Variants in FRAS1 observed in about 807,000 individuals in gnomAD.
FRAS1 encodes Fraser extracellular matrix complex subunit 1.
A neutral mutation model predicts 435.2 loss-of-function variants in FRAS1; 290 were observed. The observed-to-expected ratio is 0.67, with a 90% confidence interval of 0.61 to 0.73. FRAS1 has a LOEUF of 0.73. Among genes scored for constraint, FRAS1 ranks in the 30% least tolerant of loss-of-function variants. The pLI, the probability that FRAS1 is intolerant of heterozygous loss-of-function variation, is 0.00. For synonymous variants in FRAS1, 1,800 were observed against 1,851.0 expected, an observed-to-expected ratio of 0.97 and a Z score of 0.71; for missense variants, 4,860 against 5,001.5, an observed-to-expected ratio of 0.97 and a Z score of 0.85.
intron 52 of FRAS1, 45 bp from the exon 53 acceptor site, chr4:78,473,393 C>A (rs776333146): frequency 1.3e-6 from 2 of 1,539,728 alleles, no homozygotes; most frequent in Non-Finnish European, 8.9e-7. Context: ...ATGAAGCTGT[C>A]GTTACATCCC....
chr4:78,319,057 C>G, intron 18 of FRAS1, 71 bp downstream of exon 18: 2 of 1,449,860 alleles, frequency 1.4e-6, no homozygotes, highest in Non-Finnish European at 1.9e-6. Context: ...GAGGTGGGAC[C>G]AAAGCCAGGA....
intron 67 of FRAS1, among the ~76,000 whole-genome samples, chr4:78,519,709 T>C (rs1721329622): frequency 6.6e-6 from 1 of 152,192 alleles, no homozygotes; most frequent in Non-Finnish European, 1.5e-5. Flanking sequence ...GCGTAGAGGA[T>C]GGCAAGTGAC....
intron 2 of FRAS1, among the ~76,000 whole-genome samples, chr4:78,215,183 T>TTTATTATTATTATTATTA (rs147112471): frequency 2.0e-5 from 3 of 148,900 alleles, no homozygotes; most frequent in African/African-American, 7.4e-5. Flanking sequence ...ATTTACCATC[T>TTTATTATTATTATTATTA]TTATTATTAT....
chr4:78,241,235 G>A (rs1457912479), intron 3 of FRAS1, among the ~76,000 whole-genome samples: 1 of 152,148 alleles, frequency 6.6e-6, no homozygotes, highest in East Asian at 1.9e-4. Context: ...CAAGCCCTTC[G>A]GTGTGCTTCC....
chr4:78,066,306 A>C (rs1740036713), intron 2 of FRAS1, among the ~76,000 whole-genome samples: 1 of 152,154 alleles, frequency 6.6e-6, no homozygotes. Flanking sequence ...AGAAAATTAG[A>C]TCCCATCCTT....
chr4:78,438,123 T>C (rs1444563520), intron 38 of FRAS1, among the ~76,000 whole-genome samples: 1 of 152,200 alleles, frequency 6.6e-6, no homozygotes, highest in Non-Finnish European at 1.5e-5. Flanking sequence ...TCGTATTATA[T>C]GTTATAAAGA....
chr4:78,232,701 T>A (rs1460812230), intron 2 of FRAS1, among the ~76,000 whole-genome samples: 1 of 152,230 alleles, frequency 6.6e-6, no homozygotes, highest in Non-Finnish European at 1.5e-5. Flanking sequence ...TGTAGTGACA[T>A]CATTTAAACA....
intron 15 of FRAS1, among the ~76,000 whole-genome samples, chr4:78,310,864 A>G (rs1181106681): frequency 1.3e-5 from 2 of 152,240 alleles, no homozygotes; most frequent in African/African-American, 4.8e-5. Context: ...TTAACAATTT[A>G]TAACCTACCA....
At chr4:78,534,698 C>A in intron 71 of FRAS1, 83 bp downstream of exon 71, 1 of 1,313,628 alleles carries the variant, frequency 7.6e-7, no homozygotes, top group Non-Finnish European at 1.1e-6. Context: ...GGCATCTCTG[C>A]TCATATGCTC....
chr4:78,065,842 G>T (rs1740005734), intron 1 of FRAS1, 143 bp from the exon 2 acceptor site: 2 of 680,264 alleles, frequency 2.9e-6, no homozygotes, highest in South Asian at 3.5e-5. Context: ...GGGGAAGAAT[G>T]CTGAAGCTTT....
Position 78,057,935 on chromosome 4 carries a change from G to T in FRAS1, c.-75G>T. ...TCAGTGCGCCCGGGTTCCAAGCGCC[G>T]GAGCCAGCGTTTTGGCGGAGCCGCT... On this transcript the variant is annotated 5_prime_UTR_variant, in exon 1 of 74. Transcript: ENST00000512123. This position sits in a 1 kb window ranked among gnomAD's most constrained non-coding sequence, Gnocchi z 4.2. 1 of 1,448,478 alleles carries T rather than the reference G, an allele frequency of 6.9e-7. No individual in the cohort carries two copies. The highest frequency in any genetic ancestry group is 9.6e-7 in the Non-Finnish European group (1 of 1,036,652). The allele number at this position is 1,448,478 out of a possible 1,614,324, so 89.7% of individuals were successfully genotyped here.
intron 14 of FRAS1, among the ~76,000 whole-genome samples, chr4:78,305,940 G>A (rs1337910066): frequency 6.6e-6 from 1 of 151,724 alleles, no homozygotes; most frequent in African/African-American, 2.4e-5. Context: ...ATTAGTTGAT[G>A]CAGTTTCCTC....
chr4:78,333,591 C>G (rs1055661083), intron 19 of FRAS1, among the ~76,000 whole-genome samples, 179 bp downstream of exon 19: 2 of 152,158 alleles, frequency 1.3e-5, no homozygotes, highest in African/African-American at 4.8e-5. Context: ...TTTAGCTCTT[C>G]CAGTAAGGAA....
At chr4:78,365,966 G>GA (rs199938373) in intron 22 of FRAS1, among the ~76,000 whole-genome samples, 68,022 of 139,366 alleles carry the variant, frequency 0.49, 16,608 homozygotes, top group Non-Finnish European at 0.57. Flanking sequence ...GTCTGTCTCA[G>GA]AAAAAAAAAA....
chr4:78,479,477 A>G lies in FRAS1; in HGVS notation c.8202A>G (p.Arg2734=), dbSNP rs1719945276. 1 of 1,611,330 alleles carries G rather than the reference A, an allele frequency of 6.2e-7. No individual in the cohort carries two copies. Among genetic ancestry groups the G allele is most frequent in the South Asian group, 1.1e-5 (1 of 90,720 alleles). ...ALESGSDFKS[R]GMSAASRVIF... ...AATCAGGCTCTGATTTTAAATCTAGAGGGATGTCTGCCGCGAGTCGTGTGA... is the reference window on the plus strand; with the variant it reads ...AATCAGGCTCTGATTTTAAATCTAGGGGGATGTCTGCCGCGAGTCGTGTGA... The change falls in exon 56 of 74, where the codon AGA becomes AGG. Residue 2734 remains arginine, a synonymous_variant. Transcript: ENST00000512123.
chr4:78,283,455 T>A (rs1727426398), intron 12 of FRAS1, among the ~76,000 whole-genome samples: 1 of 152,258 alleles, frequency 6.6e-6, no homozygotes, highest in Admixed American at 6.5e-5. Flanking sequence ...GATAATTTTG[T>A]CTACTTGTTC....
At chr4:78,303,481 T>A (rs557534837) in intron 14 of FRAS1, among the ~76,000 whole-genome samples, 1 of 152,342 alleles carries the variant, frequency 6.6e-6, no homozygotes, top group South Asian at 2.1e-4. Flanking sequence ...TGATTCTTCC[T>A]ACCCATGAGC....
At chr4:78,404,599 C>G (rs72867987) in intron 30 of FRAS1, among the ~76,000 whole-genome samples, 1,636 of 152,264 alleles carry the variant, frequency 0.011, 25 homozygotes, top group African/African-American at 0.037. Context: ...TAGTGGCATC[C>G]AGTCATCTAT....
At chr4:78,245,542 G>C (rs114010572) in intron 4 of FRAS1, among the ~76,000 whole-genome samples, 148 of 152,288 alleles carry the variant, frequency 9.7e-4, no homozygotes, top group African/African-American at 3.4e-3. Flanking sequence ...ATTTGTGTCT[G>C]AGAATGTTGA....
Sources: gnomAD v4.1 joint callset for allele counts (sites outside exome capture counted in the v4.1 genomes callset) on GRCh38, gnomAD v4.1.1 for gene constraint, Gnocchi (gnomAD v3.1) non-coding constraint, MANE v1.5 for transcripts, NCBI Gene and HGNC (gene_info 2026-07-23, HGNC 2026-07-21) for gene names.